CACNA1I: variants seen among roughly 807,000 people sequenced by gnomAD.
The protein encoded by CACNA1I is voltage-dependent T-type calcium channel subunit alpha-1I.
A neutral mutation model predicts 201.6 loss-of-function variants in CACNA1I; 74 were observed. That is an observed-to-expected ratio of 0.37 (90% CI 0.30 to 0.45). The LOEUF is 0.45. CACNA1I is among the 20% of genes least tolerant of loss of function. The probability of loss-of-function intolerance (pLI) is 1.00; values close to 1 mark genes in which losing one functional copy is unlikely to be tolerated. For synonymous variants in CACNA1I, 1,431 were observed against 1,345.2 expected (o/e 1.06, Z -1.40); for missense variants, 2,346 against 3,138.1 (o/e 0.75, Z 6.03).
chr22:39,654,526 C>T (rs529702771), intron 10 of CACNA1I, among the ~76,000 whole-genome samples: 11 of 152,204 alleles, frequency 7.2e-5, no homozygotes, highest in Admixed American at 1.3e-4. Flanking sequence ...GAATCAGTGG[C>T]TGGATCAAAG....
intron 1 of CACNA1I, among the ~76,000 whole-genome samples, chr22:39,590,496 C>T (rs946898734): frequency 4.6e-5 from 7 of 152,230 alleles, no homozygotes; most frequent in Non-Finnish European, 8.8e-5. Context: ...ACCCAGCCTC[C>T]GCTTCCCTCT....
intron 1 of CACNA1I, among the ~76,000 whole-genome samples, chr22:39,580,782 C>A (rs955374206): frequency 4.6e-5 from 7 of 152,150 alleles, no homozygotes; most frequent in Admixed American, 3.3e-4. Context: ...CCAAAGCAGA[C>A]TGGAGGATGC....
At chr22:39,588,385 CT>C (rs3044379) in intron 1 of CACNA1I, among the ~76,000 whole-genome samples, 54 of 80,728 alleles carry the variant, frequency 6.7e-4, no homozygotes, top group South Asian at 2.4e-3. Context: ...TTCTTTCTTT[CT>C]TTTTTTTTTT....
chr22:39,607,078 T>TG (rs1283389049), intron 3 of CACNA1I, among the ~76,000 whole-genome samples: 1 of 152,200 alleles, frequency 6.6e-6, no homozygotes, highest in African/African-American at 2.4e-5. Context: ...GTCTGGTCTC[T>TG]GGGGGTGAGC....
chr22:39,638,249 G>T (rs575604790), intron 5 of CACNA1I, among the ~76,000 whole-genome samples: 2 of 152,296 alleles, frequency 1.3e-5, no homozygotes, highest in African/African-American at 4.8e-5. Flanking sequence ...CCCAGTTGGG[G>T]TCAAGATTTA....
In CACNA1I at chr22:39,684,626, G is replaced by A; in HGVS notation, c.6027+128G>A. On this transcript the variant is annotated intron_variant, in intron 36 of 36. Coordinates refer to ENST00000402142, the MANE Select transcript of CACNA1I (RefSeq NM_021096.4). The surrounding 1 kb of genome is among the most constrained non-coding windows in gnomAD (Gnocchi z 4.6). ...AAAGGCCGAGGGCACCACCGTGCAAGGGGGTTTGGGAACGCTGGGGTGACG... is the reference window on the plus strand; with the variant it reads ...AAAGGCCGAGGGCACCACCGTGCAAAGGGGTTTGGGAACGCTGGGGTGACG... 9.9e-7 allele frequency: 1 copy of A among 1,009,682 alleles called. No homozygotes were observed. Among genetic ancestry groups the A allele is most frequent in the Non-Finnish European group, 1.5e-6 (1 of 674,514 alleles). The allele number at this position is 1,009,682 out of a possible 1,614,324, so 62.5% of individuals were successfully genotyped here. A position where few individuals can be genotyped will look rare whatever the true frequency, so the allele number is the denominator to read the frequency against.
chr22:39,658,898 C>T (rs1489117841), intron 11 of CACNA1I, 33 bp from the exon 12 acceptor site: 3 of 1,554,330 alleles, frequency 1.9e-6, no homozygotes, highest in East Asian at 2.4e-5. Flanking sequence ...CTGCCTCCTA[C>T]CTGTACCCTG....
intron 1 of CACNA1I, among the ~76,000 whole-genome samples, chr22:39,588,944 C>T (rs1024362367): frequency 6.6e-6 from 1 of 152,216 alleles, no homozygotes; most frequent in Admixed American, 6.5e-5. Context: ...TTTCAGTTGC[C>T]TGTCCTTTTC....
At chr22:39,612,534 A>G (rs1294285114) in intron 3 of CACNA1I, among the ~76,000 whole-genome samples, 1 of 152,198 alleles carries the variant, frequency 6.6e-6, no homozygotes, top group Non-Finnish European at 1.5e-5. Flanking sequence ...ACTTCCTCAT[A>G]GATGAGTCTT....
In CACNA1I at chr22:39,677,544, C is replaced by A; in HGVS notation, c.4933+125C>A. On this transcript the variant is annotated intron_variant, in intron 30 of 36. Coordinates refer to ENST00000402142, the MANE Select transcript of CACNA1I (RefSeq NM_021096.4). The surrounding 1 kb of genome is among the most constrained non-coding windows in gnomAD (Gnocchi z 4.8). ...CAGGGTCTTTGTATTGGGGAGATGC[C>A]TACAGCAGGGCCCTCAGCTGTCTGG... The A allele has an allele frequency of 1.5e-6, 1 of 672,436 alleles. No homozygotes were observed. The highest frequency in any genetic ancestry group is 2.5e-6 in the Non-Finnish European group (1 of 408,116). 41.7% of individuals were successfully genotyped at this position (672,436 alleles called of 1,614,324 possible).
At chr22:39,630,954 G>A (rs1053161431) in intron 4 of CACNA1I, among the ~76,000 whole-genome samples, 7 of 152,144 alleles carry the variant, frequency 4.6e-5, no homozygotes, top group Admixed American at 3.3e-4. Context: ...GGCTGGTGCC[G>A]CAGGTTCAGG....
Position 39,641,059 on chromosome 22 carries a change from T to A in CACNA1I, c.933T>A (p.Asn311Lys). Residue 311 changes from asparagine (N) to lysine (K), a missense_variant, in exon 6 of 37, where the codon AAT (asparagine) becomes AAA (lysine). Asn to Lys is a moderately conservative substitution (Grantham distance 94, BLOSUM62 0). This residue lies in a region of CACNA1I where 227 missense variants were observed against 412.5 expected (regional missense o/e 0.55). Coordinates refer to ENST00000402142, the MANE Select transcript of CACNA1I (RefSeq NM_021096.4). ...YDFGAGRQDL[N>K]ASGLCVNWNR... Reference sequence around the variant, plus strand: ...TTGGGGCGGGGCGCCAGGACCTCAATGCCAGCGGCCTCTGTGTCAACTGGA... The same window carrying A: ...TTGGGGCGGGGCGCCAGGACCTCAAAGCCAGCGGCCTCTGTGTCAACTGGA... The A allele has an allele frequency of 6.2e-7, 1 of 1,614,050 alleles. No homozygotes were observed. Among genetic ancestry groups the A allele is most frequent in the Non-Finnish European group, 8.5e-7 (1 of 1,179,894 alleles).
chr22:39,685,883 G>C lies in CACNA1I; in HGVS notation c.6150G>C (p.Ala2050=). Reference sequence around the variant, plus strand: ...CCCGGCGTGCCCTGGGGCCGCCCGCGCCTGCTCCAGGACCCCGGGCCGGCC... The same window carrying C: ...CCCGGCGTGCCCTGGGGCCGCCCGCCCCTGCTCCAGGACCCCGGGCCGGCC... ...DSPRRALGPP[A]PAPGPRAGLS... Residue 2050 remains alanine, a synonymous_variant, in exon 37 of 37, where the codon GCG becomes GCC. Transcript: ENST00000402142. This position sits in a 1 kb window ranked among gnomAD's most constrained non-coding sequence, Gnocchi z 5.0. 1 of 1,457,144 alleles carries C rather than the reference G, an allele frequency of 6.9e-7. No individual in the cohort carries two copies. Among genetic ancestry groups the C allele is most frequent in the Non-Finnish European group, 9.0e-7 (1 of 1,112,834 alleles). The allele number at this position is 1,457,144 out of a possible 1,614,324, so 90.3% of individuals were successfully genotyped here. A position where few individuals can be genotyped will look rare whatever the true frequency, so the allele number is the denominator to read the frequency against.
chr22:39,598,373 C>G (rs553690528), intron 2 of CACNA1I, 111 bp downstream of exon 2: 2 of 635,534 alleles, frequency 3.1e-6, no homozygotes, highest in East Asian at 2.8e-5. Context: ...CCCGCCCACT[C>G]CATGCCCCGC....
intron 3 of CACNA1I, among the ~76,000 whole-genome samples, chr22:39,613,175 AG>A (rs1933430997): frequency 6.6e-6 from 1 of 152,082 alleles, no homozygotes; most frequent in South Asian, 2.1e-4. Context: ...GTCAGCTCCA[AG>A]CTTTTTTTTT....
Position 39,665,018 on chromosome 22 carries a change from G to A in CACNA1I, c.3851+95G>A, listed in dbSNP as rs1004055409. ...GGCCCTCACTCCGCCCTCCCCGCCCGCCCACTCGGTCCTCCAATAGTGAGT... is the reference window on the plus strand; with the variant it reads ...GGCCCTCACTCCGCCCTCCCCGCCCACCCACTCGGTCCTCCAATAGTGAGT... On this transcript the variant is annotated intron_variant, in intron 21 of 36. Coordinates refer to ENST00000402142, the MANE Select transcript of CACNA1I (RefSeq NM_021096.4). This position sits in a 1 kb window ranked among gnomAD's most constrained non-coding sequence, Gnocchi z 5.5. The A allele has an allele frequency of 8.0e-6, 9 of 1,124,114 alleles. No individual in the cohort carries two copies. Among genetic ancestry groups the A allele is most frequent in the African/African-American group, 4.7e-5 (3 of 63,800 alleles). The allele number at this position is 1,124,114 out of a possible 1,614,324, so 69.6% of individuals were successfully genotyped here.
intron 1 of CACNA1I, among the ~76,000 whole-genome samples, chr22:39,577,964 C>G (rs1932414950): frequency 6.6e-6 from 1 of 152,194 alleles, no homozygotes; most frequent in African/African-American, 2.4e-5. Flanking sequence ...TAAGGGGGAT[C>G]CAATGAGAAT....
In CACNA1I at chr22:39,597,229, C is replaced by T. The variant is rs769939934; in HGVS notation, c.237-922C>T. On this transcript the variant is annotated intron_variant, in intron 1 of 36. Transcript: ENST00000402142. Reference sequence around the variant, plus strand: ...TCGGATTTCTTACTGGTATGACAGGCGGGGGCTGGAAGTGACACAGCCCTG... The same window carrying T: ...TCGGATTTCTTACTGGTATGACAGGTGGGGGCTGGAAGTGACACAGCCCTG... Among the ~76,000 whole-genome samples, 4 of 152,142 alleles carry T rather than the reference C, an allele frequency of 2.6e-5. No homozygotes were observed. The South Asian group carries it at 6.2e-4, about 24-fold the overall frequency.
At position 39,638,912 on chromosome 22, in the gene CACNA1I, C is replaced by T. The variant is rs141643432; in HGVS notation, c.741-1955C>T. On this transcript the variant is annotated intron_variant, in intron 5 of 36. Transcript: ENST00000402142. Reference sequence around the variant, plus strand: ...TGAGTGTGAAGTTCACAATAGGGTTCGTGCTCCTATGAGAATCTAATGCTA... The same window carrying T: ...TGAGTGTGAAGTTCACAATAGGGTTTGTGCTCCTATGAGAATCTAATGCTA... 4.7e-3 allele frequency among the ~76,000 whole-genome samples: 720 copies of T among 152,274 alleles called. 3 individuals are homozygous for T. Among genetic ancestry groups the T allele is most frequent in the African/African-American group, 0.016 (682 of 41,552 alleles).
Sources: allele counts gnomAD v4.1 joint callset (sites outside exome capture counted in the v4.1 genomes callset), GRCh38; gene constraint gnomAD v4.1.1; regional missense constraint gnomAD v4.1.1; non-coding constraint Gnocchi (gnomAD v3.1); transcripts MANE v1.5; gene names NCBI Gene and HGNC (gene_info 2026-07-23, HGNC 2026-07-21).